The following ULK4 variants were observed in gnomAD, a reference collection of about 807,000 sequenced individuals.
ULK4 encodes inactive serine/threonine-protein kinase ULK4.
In ULK4, 133 loss-of-function variants were observed where a neutral mutation model predicts 160.6. The observed-to-expected ratio is 0.83, with a 90% CI of 0.72 to 0.96. The LOEUF (loss-of-function observed/expected upper bound fraction) is 0.96. ULK4 is among the 40% of genes least tolerant of loss of function. The pLI is 0.00. For missense variants in ULK4, 1,580 were observed against 1,499.5 expected, an observed-to-expected ratio of 1.05 and a Z score of -0.89; for synonymous variants, 534 against 539.8, an observed-to-expected ratio of 0.99 and a Z score of 0.15.
At chr3:41,557,260 A>T (rs895705307) in intron 32 of ULK4, among the ~76,000 whole-genome samples, 5 of 151,832 alleles carry the variant, frequency 3.3e-5, no homozygotes, top group Non-Finnish European at 7.4e-5. Flanking sequence ...CAAATCCAAG[A>T]CATCTACCCC....
At chr3:41,633,862 T>A (rs1044299266) in intron 30 of ULK4, among the ~76,000 whole-genome samples, 1 of 152,132 alleles carries the variant, frequency 6.6e-6, no homozygotes, top group African/African-American at 2.4e-5. Context: ...CCCAGAGCAA[T>A]AAACAGCACA....
At chr3:41,594,273 A>C (rs2031546284) in intron 31 of ULK4, among the ~76,000 whole-genome samples, 1 of 152,210 alleles carries the variant, frequency 6.6e-6, no homozygotes, top group Admixed American at 6.5e-5. Flanking sequence ...ACGGCAGCTC[A>C]TGTCTATAAT....
intron 5 of ULK4, among the ~76,000 whole-genome samples, chr3:41,927,768 C>T (rs992021172): frequency 6.6e-6 from 1 of 151,240 alleles, no homozygotes; most frequent in African/African-American, 2.4e-5. Context: ...AAGGCCATTA[C>T]ATAATGGTAA....
chr3:41,319,671 A>C (rs1368994367), intron 35 of ULK4, among the ~76,000 whole-genome samples: 2 of 152,244 alleles, frequency 1.3e-5, no homozygotes, highest in Non-Finnish European at 2.9e-5. Context: ...TTTGGTGTTT[A>C]CCATGTGCCT....
chr3:41,932,139 TATA>T (rs1403810163), intron 4 of ULK4, 133 bp from the exon 5 acceptor site: 5 of 738,362 alleles, frequency 6.8e-6, no homozygotes, highest in Non-Finnish European at 1.0e-5. Flanking sequence ...AATAAATGCT[TATA>T]ATTTTTTTAA....
At chr3:41,431,668 C>T (rs1193648918) in intron 34 of ULK4, among the ~76,000 whole-genome samples, 2 of 150,690 alleles carry the variant, frequency 1.3e-5, no homozygotes, top group Admixed American at 1.3e-4. Context: ...GGTGACCCAA[C>T]TGAATCAGAA....
chr3:41,783,146 A>G lies in ULK4; in HGVS notation c.2193+6515T>C, dbSNP rs72499003. On this transcript the variant is annotated intron_variant, in intron 21 of 36. Coordinates refer to ENST00000301831, the MANE Select transcript of ULK4 (RefSeq NM_017886.4). Reference sequence around the variant, plus strand: ...ACGAATTTGAAAGGATATATATCAAATTTTTTACAGAGATTACCTCAGAGA... The same window carrying G: ...ACGAATTTGAAAGGATATATATCAAGTTTTTTACAGAGATTACCTCAGAGA... Among the ~76,000 whole-genome samples, 36 of 152,282 alleles carry G rather than the reference A, an allele frequency of 2.4e-4. No homozygotes were observed. The East Asian group carries it at 6.6e-3, about 28-fold the overall frequency.
intron 32 of ULK4, among the ~76,000 whole-genome samples, chr3:41,492,027 C>T (rs2084791120): frequency 6.6e-6 from 1 of 151,918 alleles, no homozygotes; most frequent in South Asian, 2.1e-4. Flanking sequence ...TGATGATTTC[C>T]AATTTCATCC....
Position 41,765,596 on chromosome 3 carries a change from C to T in ULK4, c.2194-11108G>A, listed in dbSNP as rs562283633. On this transcript the variant is annotated intron_variant, in intron 21 of 36. Transcript: ENST00000301831. ...GAAAACTGTTGTGGAAAAGACAACA[C>T]AAAGAGGAAAACAAAGAAAAGTATA... Among the ~76,000 whole-genome samples, 12 of 151,900 alleles carry T rather than the reference C, an allele frequency of 7.9e-5. No individual in the cohort carries two copies. The East Asian group carries it at 1.7e-3, about 22-fold the overall frequency.
intron 8 of ULK4, among the ~76,000 whole-genome samples, chr3:41,915,043 GA>G (rs1256628079): frequency 6.6e-6 from 1 of 151,976 alleles, no homozygotes; most frequent in East Asian, 1.9e-4. Context: ...TACCATGAGA[GA>G]AAAAAGTAGG....
intron 32 of ULK4, among the ~76,000 whole-genome samples, chr3:41,463,936 T>C (rs761758401): frequency 3.9e-4 from 59 of 150,290 alleles, no homozygotes; most frequent in African/African-American, 1.3e-3. Flanking sequence ...AATTACAACA[T>C]GAAATAATGT....
At chr3:41,621,072 TCTTCAAGGAGAA>T (rs2033222513) in intron 30 of ULK4, among the ~76,000 whole-genome samples, 1 of 152,128 alleles carries the variant, frequency 6.6e-6, no homozygotes, top group African/African-American at 2.4e-5. Flanking sequence ...GTGAAGGACC[TCTTCAAGGAGAA>T]CTACAAACCA....
In ULK4 at chr3:41,907,783, T is replaced by C; in HGVS notation, c.1182+62A>G. ...TATTAACATAATTCATTTACCAACT[T>C]ACAATTATTCTTGTGAGCTTCTACA... is the stretch of plus-strand genomic sequence containing the variant. On this transcript the variant is annotated intron_variant, in intron 12 of 36. Coordinates refer to ENST00000301831, the MANE Select transcript of ULK4 (RefSeq NM_017886.4). 2.8e-6 allele frequency: 3 copies of C among 1,074,396 alleles called. No homozygotes were observed. The South Asian group carries it at 5.9e-5, about 21-fold the overall frequency. The allele number at this position is 1,074,396 out of a possible 1,614,324, so 66.6% of individuals were successfully genotyped here.
At chr3:41,636,016 T>C (rs539736796) in intron 30 of ULK4, among the ~76,000 whole-genome samples, 12 of 152,334 alleles carry the variant, frequency 7.9e-5, no homozygotes, top group South Asian at 2.1e-4. Context: ...CTCCTAGACA[T>C]AGAAAACAAA....
At chr3:41,484,741 C>T (rs890664979) in intron 32 of ULK4, among the ~76,000 whole-genome samples, 14 of 152,106 alleles carry the variant, frequency 9.2e-5, no homozygotes, top group South Asian at 2.1e-4. Context: ...CGTGAGCCAC[C>T]GCGCCCGGCC....
chr3:41,839,549 T>C (rs1390492314), intron 17 of ULK4, among the ~76,000 whole-genome samples: 5 of 151,272 alleles, frequency 3.3e-5, no homozygotes, highest in Non-Finnish European at 5.9e-5. Context: ...AAAGGAATAC[T>C]ACGAACAACT....
At chr3:41,401,640 GTCT>G (rs2082181074) in intron 34 of ULK4, among the ~76,000 whole-genome samples, 1 of 152,290 alleles carries the variant, frequency 6.6e-6, no homozygotes, top group Admixed American at 6.5e-5. Context: ...GTTTTAGGCA[GTCT>G]TCTGCGTAGG....
intron 35 of ULK4, among the ~76,000 whole-genome samples, chr3:41,360,448 T>A (rs979151719): frequency 6.6e-6 from 1 of 152,176 alleles, no homozygotes; most frequent in Non-Finnish European, 1.5e-5. Context: ...ATCATTGTTA[T>A]AAACATACAT....
Position 41,919,754 on chromosome 3 carries a change from G to A in ULK4, c.606C>T (p.Leu202=), listed in dbSNP as rs371389988. The change falls in exon 6 of 37, where the codon CTC becomes CTT. Residue 202 remains leucine, a synonymous_variant. Transcript: ENST00000301831. The part of the protein sequence containing the change: ...RGADFSISSD[L]WSLGCLLYEM... ...CATAAAGCAGACAGCCCAAAGACCA[G>A]AGGTCACTGGAGATGGAAAAGTCAG... The A allele has an allele frequency of 6.2e-7, 1 of 1,614,064 alleles. No homozygotes were observed. Among genetic ancestry groups the A allele is most frequent in the East Asian group, 2.2e-5 (1 of 44,878 alleles).
Sources: gnomAD v4.1 joint callset for allele counts (sites outside exome capture counted in the v4.1 genomes callset) on GRCh38, gnomAD v4.1.1 for gene constraint, MANE v1.5 for transcripts, NCBI Gene and HGNC (gene_info 2026-07-23, HGNC 2026-07-21) for gene names.